LINGO2: variants seen among roughly 807,000 people sequenced by gnomAD.
LINGO2 encodes the protein leucine rich repeat and Ig domain containing 2.
Under a neutral mutation model 30.6 loss-of-function variants are expected in LINGO2, and 14 were observed. The observed-to-expected ratio is 0.46, with a 90% CI of 0.30 to 0.72. The LOEUF is 0.72. Among genes scored for constraint, LINGO2 ranks in the 30% least tolerant of loss-of-function variants. The pLI is 0.07. For missense variants in LINGO2, 729 were observed against 751.7 expected, an observed-to-expected ratio of 0.97 and a Z score of 0.35; for synonymous variants, 317 against 288.5, an observed-to-expected ratio of 1.10 and a Z score of -1.00.
At chr9:29,191,883 A>G in the LINGO2 span, among the ~76,000 whole-genome samples, 1 of 152,156 alleles carries the variant, frequency 6.6e-6, no homozygotes, top group Non-Finnish European at 1.5e-5. Flanking sequence ...ACCTGATCAT[A>G]TCTCTTTTCT....
intron 4 of LINGO2, among the ~76,000 whole-genome samples, chr9:28,164,986 GT>G (rs1431806400): frequency 6.6e-6 from 1 of 152,198 alleles, no homozygotes; most frequent in Non-Finnish European, 1.5e-5. Context: ...CTTTGGGCAA[GT>G]TTTTCTTTGA....
chr9:28,476,498 A>G, intron 1 of LINGO2, among the ~76,000 whole-genome samples: 1 of 151,862 alleles, frequency 6.6e-6, no homozygotes. Flanking sequence ...GATGGTCTCG[A>G]TCTCCTGACC....
At chr9:28,600,982 A>C (rs975683382) in intron 1 of LINGO2, among the ~76,000 whole-genome samples, 1 of 152,138 alleles carries the variant, frequency 6.6e-6, no homozygotes, top group Non-Finnish European at 1.5e-5. Flanking sequence ...AAAAATTAAT[A>C]TGTTTTGCTC....
the LINGO2 span, among the ~76,000 whole-genome samples, chr9:28,799,813 A>T: frequency 3.9e-5 from 6 of 152,138 alleles, no homozygotes; most frequent in Non-Finnish European, 8.8e-5. Context: ...CATCATACTC[A>T]TCACTTGGTT....
chr9:28,531,297 C>G (rs1007977421), intron 1 of LINGO2, among the ~76,000 whole-genome samples: 51 of 152,150 alleles, frequency 3.4e-4, no homozygotes, highest in African/African-American at 1.2e-3. Context: ...CAACCTCTGT[C>G]CCTTCCATCC....
At chr9:28,846,828 G>T in the LINGO2 span, among the ~76,000 whole-genome samples, 1 of 147,480 alleles carries the variant, frequency 6.8e-6, no homozygotes, top group South Asian at 2.1e-4. Flanking sequence ...ATTCTCAATG[G>T]CTAACAAAAA....
chr9:28,442,065 G>T (rs552199745), intron 2 of LINGO2, among the ~76,000 whole-genome samples: 2 of 150,546 alleles, frequency 1.3e-5, no homozygotes, highest in East Asian at 3.9e-4. Context: ...TGATTTGTTT[G>T]AATTTTAGTG....
At chr9:27,961,427 T>C (rs761961986) in intron 5 of LINGO2, among the ~76,000 whole-genome samples, 6 of 152,154 alleles carry the variant, frequency 3.9e-5, no homozygotes, top group Non-Finnish European at 8.8e-5. Context: ...ACATAGCGAA[T>C]AGTGTTTGCA....
the LINGO2 span, among the ~76,000 whole-genome samples, chr9:28,830,306 C>T: frequency 2.6e-5 from 4 of 152,188 alleles, no homozygotes; most frequent in South Asian, 8.3e-4. Flanking sequence ...GGAACTACAG[C>T]CCTGGATGAG....
intron 1 of LINGO2, among the ~76,000 whole-genome samples, chr9:28,490,651 A>G (rs1014829342): frequency 2.4e-4 from 36 of 152,336 alleles, no homozygotes; most frequent in African/African-American, 8.2e-4. Flanking sequence ...GATTATGTGA[A>G]GTGTCCTACC....
chr9:28,361,164 G>A (rs1820424109), intron 3 of LINGO2, among the ~76,000 whole-genome samples: 1 of 152,194 alleles, frequency 6.6e-6, no homozygotes, highest in Non-Finnish European at 1.5e-5. Flanking sequence ...CAGATAAACT[G>A]CTGAGGTAAA....
intron 2 of LINGO2, among the ~76,000 whole-genome samples, chr9:28,398,572 A>G (rs943475815): frequency 3.9e-5 from 6 of 152,134 alleles, no homozygotes; most frequent in African/African-American, 1.4e-4. Context: ...TAAAGAGAAA[A>G]GAGAGGTTTT....
chr9:28,834,438 C>T, the LINGO2 span, among the ~76,000 whole-genome samples: 1 of 152,114 alleles, frequency 6.6e-6, no homozygotes, highest in African/African-American at 2.4e-5. Context: ...TACAGAACTC[C>T]TTATTTGAAA....
chr9:29,081,687 C>T, the LINGO2 span, among the ~76,000 whole-genome samples: 54 of 152,214 alleles, frequency 3.5e-4, 1 homozygote, highest in East Asian at 9.9e-3. Context: ...AAAACCCCAT[C>T]GTCTCAACTC....
the LINGO2 span, among the ~76,000 whole-genome samples, chr9:28,758,825 T>C: frequency 1.3e-5 from 2 of 152,112 alleles, no homozygotes; most frequent in Admixed American, 1.3e-4. Context: ...TTGTTACTTA[T>C]GTAATAACGA....
intron 1 of LINGO2, among the ~76,000 whole-genome samples, chr9:28,647,190 T>C (rs1827880107): frequency 6.6e-6 from 1 of 152,076 alleles, no homozygotes. Flanking sequence ...AAATGATACG[T>C]AGAGATATGG....
At chr9:27,974,356 T>C (rs1032511058) in intron 5 of LINGO2, among the ~76,000 whole-genome samples, 1 of 152,172 alleles carries the variant, frequency 6.6e-6, no homozygotes, top group Non-Finnish European at 1.5e-5. Flanking sequence ...TCAGCGGTCA[T>C]AACAGGTCTT....
intron 1 of LINGO2, among the ~76,000 whole-genome samples, chr9:28,544,039 C>T (rs1821822409): frequency 6.6e-6 from 1 of 151,800 alleles, no homozygotes; most frequent in African/African-American, 2.4e-5. Context: ...ACCCTGTCTA[C>T]TAAAAATACA....
the LINGO2 span, among the ~76,000 whole-genome samples, chr9:29,134,727 G>A: frequency 1.3e-5 from 2 of 151,846 alleles, no homozygotes; most frequent in Non-Finnish European, 2.9e-5. Context: ...GTTTTACAAA[G>A]GTACTCAATC....
Sources: allele counts gnomAD v4.1 joint callset (sites outside exome capture counted in the v4.1 genomes callset), GRCh38; gene constraint gnomAD v4.1.1; transcripts MANE v1.5; gene names NCBI Gene and HGNC (gene_info 2026-07-23, HGNC 2026-07-21).